PLA2G5: variants seen among roughly 807,000 people sequenced by gnomAD.
PLA2G5 encodes Ca2+-dependent phospholipase A2.
Under a neutral mutation model 15.9 loss-of-function variants are expected in PLA2G5, and 12 were observed. That is an observed-to-expected ratio of 0.76 (90% CI 0.48 to 1.23). The LOEUF (loss-of-function observed/expected upper bound fraction) is 1.23. Among genes scored for constraint, PLA2G5 ranks in the 50% most tolerant of loss-of-function variants. The pLI, the probability that PLA2G5 is intolerant of heterozygous loss-of-function variation, is 0.00. For synonymous variants in PLA2G5, 71 were observed against 71.4 expected (o/e 0.99, Z 0.03); for missense variants, 169 against 177.1 (o/e 0.95, Z 0.26).
intron 1 of PLA2G5, among the ~76,000 whole-genome samples, chr1:20,083,291 C>T (rs975314189): frequency 5.9e-5 from 9 of 151,890 alleles, no homozygotes; most frequent in African/African-American, 1.9e-4. Flanking sequence ...TCTTGGAATT[C>T]AGAGTTGCTA....
intron 1 of PLA2G5, among the ~76,000 whole-genome samples, chr1:20,038,751 A>G (rs979657532): frequency 6.6e-6 from 1 of 152,150 alleles, no homozygotes; most frequent in African/African-American, 2.4e-5. Context: ...GCACTCTGGC[A>G]TGGGTGACAG....
chr1:20,032,687 C>G (rs2013024799), intron 1 of PLA2G5, among the ~76,000 whole-genome samples: 1 of 152,114 alleles, frequency 6.6e-6, no homozygotes, highest in African/African-American at 2.4e-5. Flanking sequence ...ACAGAAGGTC[C>G]TGGAACTTGG....
chr1:20,029,080 G>C (rs1290057006), intron 1 of PLA2G5, among the ~76,000 whole-genome samples: 1 of 152,190 alleles, frequency 6.6e-6, no homozygotes, highest in African/African-American at 2.4e-5. Context: ...CAAGGACAGA[G>C]GGCTTTCTGT....
chr1:20,036,946 C>T (rs959232300), intron 1 of PLA2G5, among the ~76,000 whole-genome samples: 26 of 151,856 alleles, frequency 1.7e-4, no homozygotes, highest in Admixed American at 1.0e-3. Context: ...ATTACAGGCA[C>T]GAGCCACCAC....
At chr1:20,061,480 GGA>G (rs1255000378) in intron 2 of PLA2G5, among the ~76,000 whole-genome samples, 6 of 151,820 alleles carry the variant, frequency 4.0e-5, no homozygotes, top group Non-Finnish European at 7.4e-5. Flanking sequence ...CAACTACTCA[GGA>G]GGCTGAGGTG....
chr1:20,079,050 G>A (rs1210918228), intron 1 of PLA2G5, among the ~76,000 whole-genome samples: 4 of 151,100 alleles, frequency 2.6e-5, no homozygotes, highest in Non-Finnish European at 5.9e-5. Context: ...GGAGGTGGAG[G>A]CTGCAGTGAG....
At chr1:20,054,146 A>T (rs1310898380) in intron 1 of PLA2G5, among the ~76,000 whole-genome samples, 2 of 152,170 alleles carry the variant, frequency 1.3e-5, no homozygotes, top group Non-Finnish European at 2.9e-5. Context: ...ACAACATGAC[A>T]GTTACCTTCT....
chr1:20,084,811 T>G lies in PLA2G5; in HGVS notation c.-10-10T>G, dbSNP rs1184688688. 6.2e-7 allele frequency: 1 copy of G among 1,601,190 alleles called. No homozygotes were observed. The highest frequency in any genetic ancestry group is 8.6e-7 in the Non-Finnish European group (1 of 1,168,280). ...GATAGATCTGTTGTGGGATGTGTTT[T>G]TTTTTCCAGAACCCCAGAGATGAAA... On this transcript the variant is annotated splice_polypyrimidine_tract_variant and intron_variant, in intron 1 of 4. Coordinates refer to ENST00000375108, the MANE Select transcript of PLA2G5 (RefSeq NM_000929.3).
chr1:20,031,343 G>A (rs930534971), intron 1 of PLA2G5, among the ~76,000 whole-genome samples: 2 of 152,166 alleles, frequency 1.3e-5, no homozygotes, highest in African/African-American at 4.8e-5. Context: ...GTATGAAGTT[G>A]ACAAAGGGGG....
At chr1:20,081,443 C>T (rs934505025) in intron 1 of PLA2G5, among the ~76,000 whole-genome samples, 2 of 151,866 alleles carry the variant, frequency 1.3e-5, no homozygotes, top group Non-Finnish European at 2.9e-5. Context: ...CAGAAGAAGG[C>T]GTGCTTCCAC....
chr1:20,062,730 G>A (rs1201393456), intron 2 of PLA2G5, among the ~76,000 whole-genome samples: 3 of 152,192 alleles, frequency 2.0e-5, no homozygotes, highest in Non-Finnish European at 2.9e-5. Flanking sequence ...CACAGGGCCT[G>A]TGGAATGGAA....
chr1:20,081,561 A>G (rs1436464591), intron 1 of PLA2G5, among the ~76,000 whole-genome samples: 1 of 151,702 alleles, frequency 6.6e-6, no homozygotes, highest in Non-Finnish European at 1.5e-5. Flanking sequence ...GGCAGGGGAC[A>G]CAGTTTAGGA....
intron 1 of PLA2G5, among the ~76,000 whole-genome samples, chr1:20,059,108 G>A (rs1369635958): frequency 8.2e-6 from 1 of 122,010 alleles, no homozygotes; most frequent in African/African-American, 3.3e-5. Flanking sequence ...GGGTGATAGA[G>A]TGAGACTGTC....
chr1:20,042,425 A>G (rs2013654340), intron 1 of PLA2G5, among the ~76,000 whole-genome samples: 1 of 152,150 alleles, frequency 6.6e-6, no homozygotes, highest in South Asian at 2.1e-4. Context: ...CTAAAACAGT[A>G]ATGTCAAGTT....
chr1:20,076,656 A>C (rs1408047282), intron 1 of PLA2G5: 1 of 152,206 alleles, frequency 6.6e-6, no homozygotes, highest in Non-Finnish European at 1.5e-5. Context: ...GAATACCATG[A>C]ATGCTGAACT....
chr1:20,070,338 T>C lies in PLA2G5; in HGVS notation c.-138T>C, dbSNP rs1223938791. Reference sequence around the variant, plus strand: ...AAGAATTTGACTCCCCCCGGATCCATGGTCTGTGGATACCAATGTTCCGAC... The same window carrying C: ...AAGAATTTGACTCCCCCCGGATCCACGGTCTGTGGATACCAATGTTCCGAC... On this transcript the variant is annotated 5_prime_UTR_variant, in exon 1 of 5. An upstream start codon of the reference 5' UTR is lost. Transcript: ENST00000375108. The C allele has an allele frequency of 2.0e-6, 2 of 985,392 alleles. No homozygotes were observed. Among genetic ancestry groups the C allele is most frequent in the Non-Finnish European group, 2.4e-6 (2 of 829,972 alleles). The allele number at this position is 985,392 out of a possible 1,614,324, so 61.0% of individuals were successfully genotyped here. A position where few individuals can be genotyped will look rare whatever the true frequency, so the allele number is the denominator to read the frequency against.
chr1:20,082,340 G>C (rs2016073869), intron 1 of PLA2G5, among the ~76,000 whole-genome samples: 2 of 151,814 alleles, frequency 1.3e-5, no homozygotes, highest in African/African-American at 4.9e-5. Context: ...TTGGGAGGGA[G>C]CATGCACAGT....
intron 2 of PLA2G5, 142 bp from the exon 3 acceptor site, chr1:20,085,941 C>G: frequency 1.3e-6 from 1 of 742,578 alleles, no homozygotes; most frequent in African/African-American, 1.8e-5. Context: ...CACCTCCCTT[C>G]CCACTAATGG....
In PLA2G5 at chr1:20,090,906, AGG is replaced by A; in HGVS notation, c.*215_*216del. On this transcript the variant is annotated 3_prime_UTR_variant, in exon 5 of 5. Coordinates refer to ENST00000375108, the MANE Select transcript of PLA2G5 (RefSeq NM_000929.3). ...GACTTGGTAGGGTCCCAGGGTCCCTAGGCCTCCACTTCTGAGGGCAGCCCCTC... is the reference window on the plus strand; with the variant it reads ...GACTTGGTAGGGTCCCAGGGTCCCTACCTCCACTTCTGAGGGCAGCCCCTC... 2.0e-6 allele frequency: 1 copy of A among 509,932 alleles called. No individual in the cohort carries two copies. Among genetic ancestry groups the A allele is most frequent in the Non-Finnish European group, 3.5e-6 (1 of 286,104 alleles). The allele number at this position is 509,932 out of a possible 1,614,324, so 31.6% of individuals were successfully genotyped here. A position where few individuals can be genotyped will look rare whatever the true frequency, so the allele number is the denominator to read the frequency against.
Sources: allele counts gnomAD v4.1 joint callset (sites outside exome capture counted in the v4.1 genomes callset), GRCh38; gene constraint gnomAD v4.1.1; transcripts MANE v1.5; gene names NCBI Gene and HGNC (gene_info 2026-07-23, HGNC 2026-07-21).